The following NXPH1 variants were observed in gnomAD, a reference collection of about 807,000 sequenced individuals.
The protein encoded by NXPH1 is neurexophilin 1.
A neutral mutation model predicts 23.7 loss-of-function variants in NXPH1; 5 were observed. The observed-to-expected ratio is 0.21, with a 90% CI of 0.11 to 0.44. The LOEUF is 0.44. Among genes scored for constraint, NXPH1 ranks in the 20% least tolerant of loss-of-function variants. NXPH1 has a pLI of 0.99. For missense variants in NXPH1, 324 were observed against 321.6 expected (o/e 1.01, Z -0.06); for synonymous variants, 144 against 122.2 (o/e 1.18, Z -1.18).
intron 2 of NXPH1, among the ~76,000 whole-genome samples, chr7:8,678,142 A>T (rs1475306358): frequency 6.6e-6 from 1 of 152,158 alleles, no homozygotes; most frequent in Non-Finnish European, 1.5e-5. Flanking sequence ...AGTACTCTCT[A>T]AAGTAGGTGA....
At chr7:8,461,663 TAC>T (rs1391826558) in intron 2 of NXPH1, among the ~76,000 whole-genome samples, 80 of 149,376 alleles carry the variant, frequency 5.4e-4, no homozygotes, top group African/African-American at 1.9e-3. Context: ...ACCCCGTCTC[TAC>T]TAAAAATACA....
intron 2 of NXPH1, among the ~76,000 whole-genome samples, chr7:8,660,912 T>C (rs1330589139): frequency 1.3e-5 from 2 of 152,078 alleles, no homozygotes; most frequent in African/African-American, 2.4e-5. Context: ...TGAAGAAAAG[T>C]ATCAATTATG....
At chr7:8,463,293 ATCTT>A (rs1376667907) in intron 2 of NXPH1, among the ~76,000 whole-genome samples, 1 of 151,512 alleles carries the variant, frequency 6.6e-6, no homozygotes, top group Non-Finnish European at 1.5e-5. Context: ...CTATAAATGT[ATCTT>A]TTTTTTTTTC....
intron 2 of NXPH1, among the ~76,000 whole-genome samples, chr7:8,453,176 G>A (rs962622439): frequency 4.0e-4 from 61 of 151,978 alleles, no homozygotes; most frequent in African/African-American, 1.5e-3. Flanking sequence ...GAGAGGGAGA[G>A]GAAGAAAGAA....
chr7:8,588,184 G>T (rs1267905126), intron 2 of NXPH1, among the ~76,000 whole-genome samples: 1 of 152,168 alleles, frequency 6.6e-6, no homozygotes, highest in African/African-American at 2.4e-5. Flanking sequence ...GTGGAAGACA[G>T]TGTGGCGATT....
chr7:8,540,303 C>T (rs535159959), intron 2 of NXPH1, among the ~76,000 whole-genome samples: 24 of 151,820 alleles, frequency 1.6e-4, no homozygotes, highest in Middle Eastern at 6.8e-3. Context: ...CTTCTGCTGT[C>T]GGTAAAAGTG....
chr7:8,475,885 T>C (rs77689906), intron 2 of NXPH1, among the ~76,000 whole-genome samples: 3,939 of 152,228 alleles, frequency 0.026, 121 homozygotes, highest in African/African-American at 0.074. Flanking sequence ...AATTCTGTAA[T>C]CTTTATCTCT....
intron 2 of NXPH1, among the ~76,000 whole-genome samples, chr7:8,564,253 CA>C (rs1377233741): frequency 1.3e-5 from 2 of 151,730 alleles, no homozygotes; most frequent in African/African-American, 4.8e-5. Context: ...AGATTCAAGC[CA>C]ATTGCAAAAT....
chr7:8,720,797 C>T (rs956393617), intron 2 of NXPH1, among the ~76,000 whole-genome samples: 2 of 152,300 alleles, frequency 1.3e-5, no homozygotes, highest in African/African-American at 2.4e-5. Flanking sequence ...CAAGGAATTC[C>T]GTTTCTCTAA....
intron 2 of NXPH1, among the ~76,000 whole-genome samples, chr7:8,693,240 G>A (rs1329755888): frequency 6.6e-6 from 1 of 152,166 alleles, no homozygotes; most frequent in African/African-American, 2.4e-5. Flanking sequence ...GTCAATATTT[G>A]GTAGTAAGAA....
At chr7:8,686,600 C>T (rs891823730) in intron 2 of NXPH1, among the ~76,000 whole-genome samples, 1 of 152,054 alleles carries the variant, frequency 6.6e-6, no homozygotes, top group African/African-American at 2.4e-5. Flanking sequence ...GAATTATACT[C>T]CTGTTCTGAT....
chr7:8,710,640 GTTTTTTGTTTTTTTTTTTTTTT>G (rs1341342641), intron 2 of NXPH1, among the ~76,000 whole-genome samples: 2 of 27,672 alleles, frequency 7.2e-5, no homozygotes, highest in African/African-American at 1.6e-4. Flanking sequence ...CAACTGTTAC[GTTTTTTGTTTTTTTTTTTTTTT>G]TTTTTTTTTT....
At chr7:8,728,441 T>G (rs1780094016) in intron 2 of NXPH1, among the ~76,000 whole-genome samples, 1 of 152,150 alleles carries the variant, frequency 6.6e-6, no homozygotes. Context: ...GTGCTTCCAG[T>G]TTTTGCCCAT....
intron 2 of NXPH1, among the ~76,000 whole-genome samples, chr7:8,533,907 G>A (rs552853956): frequency 6.6e-6 from 1 of 152,240 alleles, no homozygotes; most frequent in Admixed American, 6.6e-5. Context: ...TCTGTTAGAA[G>A]TATGCCTCAG....
chr7:8,468,478 T>C (rs1584175150), intron 2 of NXPH1, among the ~76,000 whole-genome samples: 1 of 152,250 alleles, frequency 6.6e-6, no homozygotes, highest in East Asian at 1.9e-4. Context: ...ATTTTGTCCA[T>C]GAATATAAAA....
intron 2 of NXPH1, among the ~76,000 whole-genome samples, chr7:8,603,488 A>T (rs1277448561): frequency 6.6e-6 from 1 of 152,164 alleles, no homozygotes; most frequent in Non-Finnish European, 1.5e-5. Context: ...GCCACCTTCC[A>T]GGTAGAGGAT....
At chr7:8,584,950 A>C (rs1263141606) in intron 2 of NXPH1, among the ~76,000 whole-genome samples, 3 of 152,222 alleles carry the variant, frequency 2.0e-5, no homozygotes, top group Admixed American at 2.0e-4. Flanking sequence ...AGGACTATCG[A>C]TATCTCTTTC....
intron 2 of NXPH1, among the ~76,000 whole-genome samples, chr7:8,650,799 C>G (rs1455058007): frequency 6.6e-6 from 1 of 152,040 alleles, no homozygotes; most frequent in Non-Finnish European, 1.5e-5. Flanking sequence ...AAGGTAGAAG[C>G]CACTAATACA....
intron 2 of NXPH1, among the ~76,000 whole-genome samples, chr7:8,683,547 T>C (rs73243519): frequency 6.6e-6 from 1 of 152,148 alleles, no homozygotes; most frequent in Non-Finnish European, 1.5e-5. Flanking sequence ...TTCAGCCCAG[T>C]GTGCTTTCTT....
Sources: gnomAD v4.1 joint callset for allele counts (sites outside exome capture counted in the v4.1 genomes callset) on GRCh38, gnomAD v4.1.1 for gene constraint, MANE v1.5 for transcripts, NCBI Gene and HGNC (gene_info 2026-07-23, HGNC 2026-07-21) for gene names.